Variants in PRKG1 observed in about 807,000 individuals in gnomAD.
PRKG1 encodes cGMP-dependent protein kinase 1.
Under a neutral mutation model 88.1 loss-of-function variants are expected in PRKG1, and 35 were observed. That is an observed-to-expected ratio of 0.40 (90% CI 0.30 to 0.53). The LOEUF (loss-of-function observed/expected upper bound fraction) is 0.53, where lower values mean the gene tolerates loss of function less well. Among genes scored for constraint, PRKG1 ranks in the 20% least tolerant of loss-of-function variants. The probability of loss-of-function intolerance (pLI) is 0.59; values close to 1 mark genes in which losing one functional copy is unlikely to be tolerated. For synonymous variants in PRKG1, 303 were observed against 292.5 expected, an observed-to-expected ratio of 1.04 and a Z score of -0.37; for missense variants, 540 against 839.8, an observed-to-expected ratio of 0.64 and a Z score of 4.41.
At chr10:51,213,759 T>C (rs765905967) in intron 2 of PRKG1, among the ~76,000 whole-genome samples, 6 of 142,452 alleles carry the variant, frequency 4.2e-5, no homozygotes, top group African/African-American at 1.8e-4. Flanking sequence ...TTTTATGAAG[T>C]GTGTGGGTGT....
chr10:51,626,275 C>A (rs1052471986), intron 3 of PRKG1, among the ~76,000 whole-genome samples: 28 of 152,134 alleles, frequency 1.8e-4, no homozygotes, highest in African/African-American at 6.8e-4. Context: ...TTAAGAATCA[C>A]TTGACATTGA....
At chr10:51,728,296 TA>T (rs888600135) in intron 3 of PRKG1, among the ~76,000 whole-genome samples, 1 of 152,072 alleles carries the variant, frequency 6.6e-6, no homozygotes, top group Non-Finnish European at 1.5e-5. Context: ...CAAATTACTT[TA>T]AAAATAAACT....
chr10:52,024,334 T>C (rs1355818627), intron 5 of PRKG1, among the ~76,000 whole-genome samples: 5 of 151,504 alleles, frequency 3.3e-5, no homozygotes, highest in Non-Finnish European at 7.4e-5. Context: ...TTTTATTCTT[T>C]TTTTTATTAT....
chr10:51,160,800 T>C (rs979443246), intron 2 of PRKG1, among the ~76,000 whole-genome samples: 13 of 152,116 alleles, frequency 8.5e-5, no homozygotes, highest in Non-Finnish European at 1.8e-4. Context: ...GTTACATGTA[T>C]GTATCAGTCT....
intron 8 of PRKG1, among the ~76,000 whole-genome samples, chr10:52,156,404 A>G (rs1312411558): frequency 1.3e-5 from 2 of 151,754 alleles, no homozygotes; most frequent in Non-Finnish European, 3.0e-5. Context: ...AATTCCTCAA[A>G]GTTGTACTTT....
intron 3 of PRKG1, among the ~76,000 whole-genome samples, chr10:51,701,154 T>C (rs747265684): frequency 2.6e-5 from 4 of 152,234 alleles, no homozygotes; most frequent in Non-Finnish European, 4.4e-5. Context: ...AATGTGGCTA[T>C]TAGAAAATTT....
chr10:51,131,726 G>A (rs1349196704), intron 1 of PRKG1, among the ~76,000 whole-genome samples: 1 of 152,170 alleles, frequency 6.6e-6, no homozygotes, highest in African/African-American at 2.4e-5. Flanking sequence ...ATAGTATATG[G>A]TTCTTCATTC....
At chr10:51,547,130 A>C (rs1842461110) in intron 3 of PRKG1, among the ~76,000 whole-genome samples, 1 of 152,104 alleles carries the variant, frequency 6.6e-6, no homozygotes, top group South Asian at 2.1e-4. Context: ...TAATATATAC[A>C]TACAGACATG....
chr10:52,288,971 G>A lies in PRKG1; in HGVS notation c.1873G>A (p.Val625Ile). 1.2e-6 allele frequency: 2 copies of A among 1,609,434 alleles called. No individual in the cohort carries two copies. Among genetic ancestry groups the A allele is most frequent in the African/African-American group, 1.3e-5 (1 of 74,846 alleles). ...AAGATTAGGGAATTTGAAAAATGGA[G>A]TAAAAGACATTCAAAAGCACAAGTA... is the stretch of plus-strand genomic sequence containing the variant. Reference protein sequence around the residue: ...SERLGNLKNGVKDIQKHKWFE... With the variant: ...SERLGNLKNGIKDIQKHKWFE... Residue 625 changes from valine to isoleucine, a missense_variant, in exon 16 of 18, where the codon GTA (valine) becomes ATA (isoleucine). Physicochemically the swap from Val to Ile is conservative, Grantham distance 29. This residue lies in a region of PRKG1 where 97 missense variants were observed against 210.6 expected (regional missense o/e 0.46). Transcript: ENST00000373980.
At chr10:52,027,394 G>A (rs1845369903) in intron 5 of PRKG1, among the ~76,000 whole-genome samples, 1 of 152,130 alleles carries the variant, frequency 6.6e-6, no homozygotes, top group African/African-American at 2.4e-5. Flanking sequence ...CAAAAGGCTT[G>A]TATTCCAGTA....
intron 3 of PRKG1, among the ~76,000 whole-genome samples, chr10:51,478,472 C>T (rs895907788): frequency 1.3e-5 from 2 of 151,952 alleles, no homozygotes; most frequent in African/African-American, 4.8e-5. Flanking sequence ...CTGGCCAAAT[C>T]CTTGACCAGA....
intron 3 of PRKG1, among the ~76,000 whole-genome samples, chr10:51,686,890 C>T (rs565982859): frequency 2.6e-5 from 4 of 152,156 alleles, no homozygotes; most frequent in Non-Finnish European, 5.9e-5. Flanking sequence ...TGCCCGCCAT[C>T]AGGCCCGGCT....
intron 14 of PRKG1, among the ~76,000 whole-genome samples, chr10:52,285,199 T>C (rs1471262952): frequency 6.6e-6 from 1 of 152,006 alleles, no homozygotes; most frequent in Non-Finnish European, 1.5e-5. Flanking sequence ...CCCCACCAAC[T>C]TAGGAAAAGA....
intron 3 of PRKG1, among the ~76,000 whole-genome samples, chr10:51,480,977 C>A (rs945727226): frequency 6.6e-6 from 1 of 151,770 alleles, no homozygotes; most frequent in Non-Finnish European, 1.5e-5. Context: ...GGTGTATCTA[C>A]AAATAAAGGA....
chr10:51,143,551 T>A (rs1384325199), intron 1 of PRKG1, among the ~76,000 whole-genome samples: 2 of 152,086 alleles, frequency 1.3e-5, no homozygotes, highest in Non-Finnish European at 2.9e-5. Context: ...ATCTTCATAC[T>A]ATTTTCCGTA....
chr10:51,653,382 C>CT (rs1840087398), intron 3 of PRKG1, among the ~76,000 whole-genome samples: 1 of 152,026 alleles, frequency 6.6e-6, no homozygotes, highest in Non-Finnish European at 1.5e-5. Flanking sequence ...GATCTTTTGT[C>CT]TTTTTTGATA....
At chr10:51,179,537 G>A (rs1816767632) in intron 2 of PRKG1, among the ~76,000 whole-genome samples, 1 of 152,152 alleles carries the variant, frequency 6.6e-6, no homozygotes, top group Admixed American at 6.5e-5. Flanking sequence ...AGCGTTAGTA[G>A]CCTGAAACCC....
intron 3 of PRKG1, among the ~76,000 whole-genome samples, chr10:51,510,926 T>C (rs1303374427): frequency 6.7e-6 from 1 of 149,650 alleles, no homozygotes; most frequent in East Asian, 1.9e-4. Flanking sequence ...TTTTTTTTTG[T>C]ATTTTTAGTA....
chr10:52,067,521 T>C (rs996701366), intron 7 of PRKG1, among the ~76,000 whole-genome samples: 2 of 152,214 alleles, frequency 1.3e-5, no homozygotes, highest in African/African-American at 4.8e-5. Flanking sequence ...TCATGACTAC[T>C]ATCTAGTTCT....
Sources: gnomAD v4.1 joint callset for allele counts (sites outside exome capture counted in the v4.1 genomes callset) on GRCh38, gnomAD v4.1.1 for gene constraint, gnomAD v4.1.1 regional missense constraint, MANE v1.5 for transcripts, NCBI Gene and HGNC (gene_info 2026-07-23, HGNC 2026-07-21) for gene names.